Variants in SLCO1B1 observed in about 807,000 individuals in gnomAD.
SLCO1B1 encodes the protein solute carrier organic anion transporter family member 1B1, also known as OATP-2.
Under a neutral mutation model 70.1 loss-of-function variants are expected in SLCO1B1, and 81 were observed. The ratio of observed to expected loss-of-function variants is 1.16; its 90% CI spans 0.97 to 1.39. The LOEUF is 1.39. Among genes scored for constraint, SLCO1B1 ranks in the 40% most tolerant of loss-of-function variants. The pLI is 0.00. For synonymous variants in SLCO1B1, 283 were observed against 271.5 expected, an observed-to-expected ratio of 1.04 and a Z score of -0.42; for missense variants, 895 against 799.6, an observed-to-expected ratio of 1.12 and a Z score of -1.44.
intron 2 of SLCO1B1, among the ~76,000 whole-genome samples, chr12:21,143,782 G>A (rs914156713): frequency 6.6e-6 from 1 of 151,968 alleles, no homozygotes; most frequent in Non-Finnish European, 1.5e-5. Flanking sequence ...GCTTTTATAA[G>A]TGGTGTCTTT....
chr12:21,151,935 C>T (rs1940475473), intron 2 of SLCO1B1, among the ~76,000 whole-genome samples: 1 of 151,716 alleles, frequency 6.6e-6, no homozygotes, highest in Admixed American at 6.6e-5. Flanking sequence ...TTGTCTGATA[C>T]TAATTTGGGG....
At chr12:21,137,945 A>G (rs529674028) in intron 1 of SLCO1B1, among the ~76,000 whole-genome samples, 25 of 152,336 alleles carry the variant, frequency 1.6e-4, no homozygotes, top group African/African-American at 6.0e-4. Flanking sequence ...TGGGAGCTGT[A>G]GACCAGAGCT....
chr12:21,167,946 A>G (rs1160191252), intron 2 of SLCO1B1, among the ~76,000 whole-genome samples: 1 of 149,292 alleles, frequency 6.7e-6, no homozygotes, highest in Admixed American at 6.7e-5. Context: ...CCTCCCAAGT[A>G]GCTGGGATTA....
chr12:21,163,597 C>T (rs1244292076), intron 2 of SLCO1B1, among the ~76,000 whole-genome samples: 1 of 152,116 alleles, frequency 6.6e-6, no homozygotes, highest in African/African-American at 2.4e-5. Context: ...TCTCACAGTT[C>T]AGTAGGCTGG....
chr12:21,169,573 A>G (rs1053066636), intron 2 of SLCO1B1, among the ~76,000 whole-genome samples: 7 of 152,058 alleles, frequency 4.6e-5, no homozygotes, highest in Non-Finnish European at 1.0e-4. Flanking sequence ...TTGGTTCTTC[A>G]TAGTTTATAA....
chr12:21,196,386 C>T (rs1244448030), intron 7 of SLCO1B1, among the ~76,000 whole-genome samples: 1 of 152,002 alleles, frequency 6.6e-6, no homozygotes, highest in Non-Finnish European at 1.5e-5. Flanking sequence ...GTTAAATTAT[C>T]CTTAACTTTT....
chr12:21,192,220 C>A (rs919641731), intron 7 of SLCO1B1, among the ~76,000 whole-genome samples: 1 of 151,746 alleles, frequency 6.6e-6, no homozygotes, highest in Non-Finnish European at 1.5e-5. Flanking sequence ...TAGTAACACG[C>A]ACCAGTAAAG....
rs1941173833 is a variant in SLCO1B1 at position 21,202,788 on chromosome 12, C to A, written c.1331+102C>A. On this transcript the variant is annotated intron_variant, in intron 10 of 14. Coordinates refer to ENST00000256958, the MANE Select transcript of SLCO1B1 (RefSeq NM_006446.5). ...CAGAAAACAATTTTAACTAAACTTT[C>A]TTTAAGTTAAGAGAAATTTCAATTT... 14 of 946,466 alleles carry A rather than the reference C, an allele frequency of 1.5e-5. No individual in the cohort carries two copies. The East Asian group carries it at 3.4e-4, about 23-fold the overall frequency. 58.6% of individuals were successfully genotyped at this position (946,466 alleles called of 1,614,324 possible).
At chr12:21,199,623 A>G (rs1941132827) in intron 8 of SLCO1B1, among the ~76,000 whole-genome samples, 1 of 152,130 alleles carries the variant, frequency 6.6e-6, no homozygotes, top group Admixed American at 6.6e-5. Context: ...TTAATCTTTA[A>G]GAATTTTGAA....
In SLCO1B1 at chr12:21,178,882, A is replaced by G. The variant is rs773945474; in HGVS notation, c.629-40A>G. 25 of 1,453,726 alleles carry G rather than the reference A, an allele frequency of 1.7e-5. No homozygotes were observed. In the East Asian group the frequency reaches 5.7e-4, roughly 33 times the overall value. The allele number at this position is 1,453,726 out of a possible 1,614,324, so 90.1% of individuals were successfully genotyped here. ...AAAACATGGTGAATAAGAACCATGC[A>G]TTCTTGGCATCTAGTAAAATTGCTT... is the stretch of plus-strand genomic sequence containing the variant. On this transcript the variant is annotated intron_variant, in intron 6 of 14. Transcript: ENST00000256958.
At chr12:21,216,144 G>C (rs529361545) in intron 11 of SLCO1B1, among the ~76,000 whole-genome samples, 1 of 151,884 alleles carries the variant, frequency 6.6e-6, no homozygotes. Context: ...TTATTTATTT[G>C]TGTATTTATT....
At chr12:21,165,938 A>C (rs570571147) in intron 2 of SLCO1B1, among the ~76,000 whole-genome samples, 1 of 152,240 alleles carries the variant, frequency 6.6e-6, no homozygotes, top group Non-Finnish European at 1.5e-5. Flanking sequence ...AGCAAATTTG[A>C]GCAGTTAGAA....
At chr12:21,233,922 C>G (rs1289355650) in intron 14 of SLCO1B1, among the ~76,000 whole-genome samples, 1 of 152,138 alleles carries the variant, frequency 6.6e-6, no homozygotes, top group Non-Finnish European at 1.5e-5. Flanking sequence ...CAGATGAGAC[C>G]CCTAGTGTGT....
In SLCO1B1 at chr12:21,222,374, A is replaced by G. The variant is rs1244028684; in HGVS notation, c.1747+10A>G. 2 of 222,814 alleles carry G rather than the reference A, an allele frequency of 9.0e-6. No individual in the cohort carries two copies. The highest frequency in any genetic ancestry group is 1.3e-5 in the Non-Finnish European group (2 of 149,188). 13.8% of individuals were successfully genotyped at this position (222,814 alleles called of 1,614,324 possible). On this transcript the variant is annotated intron_variant, in intron 13 of 14. Coordinates refer to ENST00000256958, the MANE Select transcript of SLCO1B1 (RefSeq NM_006446.5). The stretch of plus-strand genomic sequence containing the variant: ...GTTATACGAGCACTAGGTATGATGA[A>G]AAAAAAAAAAAAAAAAAAAAAAAAT...
At chr12:21,224,466 A>G (rs756225187) in intron 13 of SLCO1B1, among the ~76,000 whole-genome samples, 1 of 152,136 alleles carries the variant, frequency 6.6e-6, no homozygotes, top group African/African-American at 2.4e-5. Flanking sequence ...AATTGTTATC[A>G]TAAGAAGAAC....
Position 21,222,372 on chromosome 12 carries a change from G to GAAAAAAAAAAA in SLCO1B1, c.1747+24_1747+34dup, listed in dbSNP as rs4149102. The GAAAAAAAAAAA allele has an allele frequency of 1.2e-4, 3 of 24,952 alleles. No homozygotes were observed. The highest frequency in any genetic ancestry group is 9.3e-4 in the East Asian group (1 of 1,074). 1.5% of individuals were successfully genotyped at this position (24,952 alleles called of 1,614,324 possible). A position where few individuals can be genotyped will look rare whatever the true frequency, so the allele number is the denominator to read the frequency against. On this transcript the variant is annotated intron_variant, in intron 13 of 14. Transcript: ENST00000256958. ...TGGTTATACGAGCACTAGGTATGAT[G>GAAAAAAAAAAA]AAAAAAAAAAAAAAAAAAAAAAAAA...
intron 2 of SLCO1B1, among the ~76,000 whole-genome samples, chr12:21,146,000 C>A (rs1352719044): frequency 6.6e-6 from 1 of 151,836 alleles, no homozygotes; most frequent in Admixed American, 6.6e-5. Flanking sequence ...CTTCTAACCT[C>A]TGAAAAAAAC....
intron 11 of SLCO1B1, among the ~76,000 whole-genome samples, chr12:21,214,666 C>T (rs569940287): frequency 4.7e-4 from 71 of 151,818 alleles, no homozygotes; most frequent in African/African-American, 1.6e-3. Flanking sequence ...CCCAGCCTCG[C>T]TGCCGCCTTG....
intron 14 of SLCO1B1, among the ~76,000 whole-genome samples, chr12:21,233,334 C>T (rs1941561347): frequency 6.6e-6 from 1 of 152,052 alleles, no homozygotes; most frequent in African/African-American, 2.4e-5. Context: ...AGGTCTCCTC[C>T]ACATATACAA....
Sources: gnomAD v4.1 joint callset for allele counts (sites outside exome capture counted in the v4.1 genomes callset) on GRCh38, gnomAD v4.1.1 for gene constraint, MANE v1.5 for transcripts, NCBI Gene and HGNC (gene_info 2026-07-23, HGNC 2026-07-21) for gene names.